CDC42SE2: variants seen among roughly 807,000 people sequenced by gnomAD.
CDC42SE2 encodes CDC42 small effector protein 2.
Under a neutral mutation model 11.5 loss-of-function variants are expected in CDC42SE2, and 3 were observed. The observed-to-expected ratio is 0.26, with a 90% CI of 0.12 to 0.67. CDC42SE2 has a LOEUF of 0.67. Among genes scored for constraint, CDC42SE2 ranks in the 30% least tolerant of loss-of-function variants. The pLI is 0.80. For missense variants in CDC42SE2, 82 were observed against 106.8 expected, an observed-to-expected ratio of 0.77 and a Z score of 1.02; for synonymous variants, 33 against 34.8, an observed-to-expected ratio of 0.95 and a Z score of 0.18.
At position 131,348,432 on chromosome 5, in the gene CDC42SE2, A is replaced by G. The variant is rs145441672; in HGVS notation, c.-285-10777A>G. 2.1e-3 allele frequency among the ~76,000 whole-genome samples: 317 copies of G among 152,306 alleles called. 5 individuals carry two copies. The East Asian group carries it at 0.052, about 25-fold the overall frequency. On this transcript the variant is annotated intron_variant, in intron 2 of 4. Transcript: ENST00000505065. ...TAAAATACCTAGGAATCCAACTTAC[A>G]AGGAATGTGAAGGACCTCTTCAAGG...
Position 131,392,245 on chromosome 5 carries a change from A to T in CDC42SE2, c.*1154A>T, listed in dbSNP as rs1303572558. The T allele has an allele frequency of 6.6e-6, 1 of 152,614 alleles. No homozygotes were observed. Among genetic ancestry groups the T allele is most frequent in the Non-Finnish European group, 1.5e-5 (1 of 68,010 alleles). 9.5% of individuals were successfully genotyped at this position (152,614 alleles called of 1,614,324 possible). On this transcript the variant is annotated 3_prime_UTR_variant, in exon 5 of 5. Transcript: ENST00000505065. Reference sequence around the variant, plus strand: ...ACCTGCTATTATTTGTTAATTTGCCATCATTTATGTATATTTTGGAAGGTA... The same window carrying T: ...ACCTGCTATTATTTGTTAATTTGCCTTCATTTATGTATATTTTGGAAGGTA...
At chr5:131,253,536 G>A (rs1209626132) in intron 1 of CDC42SE2, among the ~76,000 whole-genome samples, 1 of 152,084 alleles carries the variant, frequency 6.6e-6, no homozygotes, top group East Asian at 1.9e-4. Context: ...AGGCCGAGGC[G>A]GGTTGATCAC....
intron 1 of CDC42SE2, among the ~76,000 whole-genome samples, chr5:131,313,721 T>A (rs1301073443): frequency 6.6e-6 from 1 of 152,238 alleles, no homozygotes; most frequent in Non-Finnish European, 1.5e-5. Context: ...AGCTTTATAA[T>A]AAACCTTGAA....
At chr5:131,341,427 A>G (rs931823599) in intron 2 of CDC42SE2, among the ~76,000 whole-genome samples, 1 of 152,248 alleles carries the variant, frequency 6.6e-6, no homozygotes, top group Non-Finnish European at 1.5e-5. Context: ...TTGGTATTCT[A>G]TATTCAACTA....
chr5:131,271,134 G>A (rs1756987053), intron 1 of CDC42SE2, among the ~76,000 whole-genome samples: 1 of 152,132 alleles, frequency 6.6e-6, no homozygotes, highest in Admixed American at 6.5e-5. Flanking sequence ...CTCCAATTTA[G>A]CCTTCCAGTT....
chr5:131,374,059 C>T (rs549761295), intron 3 of CDC42SE2, among the ~76,000 whole-genome samples: 1 of 152,170 alleles, frequency 6.6e-6, no homozygotes, highest in East Asian at 1.9e-4. Flanking sequence ...AGTAATACTA[C>T]AGGAAAATTT....
chr5:131,323,485 C>G (rs1758235344), intron 2 of CDC42SE2, among the ~76,000 whole-genome samples: 1 of 143,970 alleles, frequency 6.9e-6, no homozygotes, highest in African/African-American at 2.6e-5. Context: ...TGCTTTGTTT[C>G]TGTAACTTGA....
At chr5:131,272,329 C>T (rs957223974) in intron 1 of CDC42SE2, among the ~76,000 whole-genome samples, 1 of 152,108 alleles carries the variant, frequency 6.6e-6, no homozygotes, top group African/African-American at 2.4e-5. Context: ...CCTAATCCTT[C>T]TGTAATCCTA....
At chr5:131,266,194 C>T (rs562468256) in intron 1 of CDC42SE2, among the ~76,000 whole-genome samples, 2 of 152,126 alleles carry the variant, frequency 1.3e-5, no homozygotes, top group Admixed American at 6.5e-5. Context: ...CATAAGGTTG[C>T]GTTGCCTATT....
chr5:131,301,270 TG>T (rs764941261), intron 1 of CDC42SE2, among the ~76,000 whole-genome samples: 1 of 152,144 alleles, frequency 6.6e-6, no homozygotes, highest in Non-Finnish European at 1.5e-5. Flanking sequence ...TAGTGTTCTA[TG>T]GCCCGGGAGG....
intron 3 of CDC42SE2, among the ~76,000 whole-genome samples, chr5:131,372,768 T>C (rs543461049): frequency 6.6e-6 from 1 of 152,202 alleles, no homozygotes; most frequent in Non-Finnish European, 1.5e-5. Flanking sequence ...CTGGTACTTA[T>C]TTATTTACTG....
chr5:131,382,297 G>A (rs1364319324), intron 3 of CDC42SE2, among the ~76,000 whole-genome samples: 3 of 152,162 alleles, frequency 2.0e-5, no homozygotes, highest in Non-Finnish European at 4.4e-5. Flanking sequence ...TTGTGAGTAT[G>A]TGTTAATACC....
exon 2 of CDC42SE2, chr5:131,255,149 T>G (rs953969123): frequency 1.3e-5 from 2 of 152,214 alleles, no homozygotes; most frequent in Admixed American, 6.5e-5. Context: ...AGTCTAGTAC[T>G]AAGCTGTCGG....
chr5:131,244,811 A>G (rs1468490868), upstream of CDC42SE2, among the ~76,000 whole-genome samples: 1 of 152,202 alleles, frequency 6.6e-6, no homozygotes, highest in Non-Finnish European at 1.5e-5. Context: ...AAAAATATGC[A>G]GATCACTCTG....
At chr5:131,303,979 T>G (rs919846190) in intron 1 of CDC42SE2, among the ~76,000 whole-genome samples, 10 of 151,694 alleles carry the variant, frequency 6.6e-5, no homozygotes, top group East Asian at 1.9e-4. Flanking sequence ...TTTTTTTTTT[T>G]GGGACAGTCT....
chr5:131,350,886 A>T (rs1758992220), intron 2 of CDC42SE2, among the ~76,000 whole-genome samples: 1 of 152,204 alleles, frequency 6.6e-6, no homozygotes, highest in Non-Finnish European at 1.5e-5. Context: ...ATTGACAAAT[A>T]GACAAGTGCA....
rs368648319 is a variant in CDC42SE2, at chr5:131,344,961, A to G, written c.-285-14248A>G. ...CCTGACTGTTAGAAGGAAAACTAAC[A>G]AACAGAAAGGACATCCACACCAAAA... On this transcript the variant is annotated intron_variant, in intron 2 of 4. Transcript: ENST00000505065. Among the ~76,000 whole-genome samples the G allele has an allele frequency of 5.9e-5, 9 of 152,324 alleles. No individual in the cohort carries two copies. In the South Asian group the frequency reaches 6.2e-4, roughly 11 times the overall value.
chr5:131,348,665 A>G (rs1166087077), intron 2 of CDC42SE2, among the ~76,000 whole-genome samples: 2 of 152,230 alleles, frequency 1.3e-5, no homozygotes, highest in Non-Finnish European at 2.9e-5. Context: ...TGGAACCGAA[A>G]AAGAGCCTGC....
intron 1 of CDC42SE2, among the ~76,000 whole-genome samples, chr5:131,251,605 A>G (rs563954492): frequency 6.6e-6 from 1 of 152,360 alleles, no homozygotes; most frequent in Admixed American, 6.5e-5. Flanking sequence ...AAAACAGTAC[A>G]TGAATAGCAG....
Sources: allele counts gnomAD v4.1 joint callset (sites outside exome capture counted in the v4.1 genomes callset), GRCh38; gene constraint gnomAD v4.1.1; transcripts MANE v1.5; gene names NCBI Gene and HGNC (gene_info 2026-07-23, HGNC 2026-07-21).